The following GRK7 variants were observed in gnomAD, a reference collection of about 807,000 sequenced individuals.
GRK7 encodes G protein-coupled receptor kinase 7, also known as rhodopsin kinase GRK7.
GRK7 carries 24 observed loss-of-function variants against 34.1 expected under a neutral mutation model. The ratio of observed to expected loss-of-function variants is 0.70; its 90% CI spans 0.51 to 0.99. The LOEUF is 0.99. Among genes scored for constraint, GRK7 ranks in the 50% least tolerant of loss-of-function variants. The pLI is 0.00. For synonymous variants in GRK7, 256 were observed against 279.4 expected, an observed-to-expected ratio of 0.92 and a Z score of 0.84; for missense variants, 644 against 707.3, an observed-to-expected ratio of 0.91 and a Z score of 1.02.
chr3:141,801,310 CAAAAAAA>C (rs55657739), intron 4 of GRK7, among the ~76,000 whole-genome samples: 9 of 70,008 alleles, frequency 1.3e-4, no homozygotes, highest in South Asian at 5.8e-4. Context: ...GACTCCGTCT[CAAAAAAA>C]AAAAAAAAAA....
At chr3:141,753,997 A>G in the GRK7 span, among the ~76,000 whole-genome samples, 1 of 152,216 alleles carries the variant, frequency 6.6e-6, no homozygotes, top group African/African-American at 2.4e-5. Flanking sequence ...TGAAAAATCA[A>G]TTATGTCTTT....
intron 5 of GRK7, among the ~76,000 whole-genome samples, chr3:141,809,420 C>G (rs1001328448): frequency 6.6e-6 from 1 of 152,022 alleles, no homozygotes; most frequent in African/African-American, 2.4e-5. Flanking sequence ...TTTAGAAGGC[C>G]GGGCGCAGTG....
chr3:141,758,754 C>A (rs1364664642), upstream of GRK7, among the ~76,000 whole-genome samples: 1 of 144,818 alleles, frequency 6.9e-6, no homozygotes, highest in East Asian at 2.1e-4. Context: ...GCAGTATGGC[C>A]ATTTTCACGA....
At chr3:141,777,936 T>A (rs986218918) in intron 2 of GRK7, among the ~76,000 whole-genome samples, 1 of 152,168 alleles carries the variant, frequency 6.6e-6, no homozygotes, top group African/African-American at 2.4e-5. Context: ...AACGGTATGA[T>A]CACTTCCTTG....
At chr3:141,770,009 G>C (rs956519988) in intron 1 of GRK7, among the ~76,000 whole-genome samples, 3 of 152,144 alleles carry the variant, frequency 2.0e-5, no homozygotes, top group African/African-American at 7.2e-5. Context: ...CTGCCTCCTG[G>C]GTTCAAGCCA....
chr3:141,806,276 G>A (rs1190153804), intron 4 of GRK7, among the ~76,000 whole-genome samples: 4 of 152,000 alleles, frequency 2.6e-5, no homozygotes, highest in South Asian at 2.1e-4. Flanking sequence ...TGAAAAGTCC[G>A]AGTCGGCCAG....
chr3:141,799,392 C>T (rs920788390), intron 4 of GRK7, among the ~76,000 whole-genome samples: 3 of 152,108 alleles, frequency 2.0e-5, no homozygotes, highest in Non-Finnish European at 4.4e-5. Flanking sequence ...GCGGATGGAT[C>T]ACAGGAGGTC....
At chr3:141,804,582 CAT>C (rs1050018961) in intron 4 of GRK7, among the ~76,000 whole-genome samples, 12 of 150,224 alleles carry the variant, frequency 8.0e-5, no homozygotes, top group African/African-American at 3.0e-4. Context: ...CACATACACA[CAT>C]ACACATACAG....
At chr3:141,767,891 G>GT (rs1417173868) in intron 1 of GRK7, among the ~76,000 whole-genome samples, 4 of 152,134 alleles carry the variant, frequency 2.6e-5, no homozygotes, top group Non-Finnish European at 5.9e-5. Flanking sequence ...CAGCATTTAA[G>GT]TTTTTTCTGG....
chr3:141,751,724 T>G, the GRK7 span, among the ~76,000 whole-genome samples: 6 of 152,358 alleles, frequency 3.9e-5, no homozygotes, highest in African/African-American at 1.4e-4. Context: ...CATGTAGCTA[T>G]GTAAAATTTA....
At chr3:141,809,710 AC>A (rs903471712) in intron 5 of GRK7, among the ~76,000 whole-genome samples, 3 of 152,122 alleles carry the variant, frequency 2.0e-5, no homozygotes, top group African/African-American at 7.2e-5. Flanking sequence ...AAAAAAAGAT[AC>A]TATAGAAGAA....
chr3:141,799,528 C>T (rs527291658), intron 4 of GRK7, among the ~76,000 whole-genome samples: 4 of 152,096 alleles, frequency 2.6e-5, no homozygotes, highest in African/African-American at 9.6e-5. Flanking sequence ...AGGAGAATCA[C>T]TTGAACCTGG....
chr3:141,789,538 C>G (rs2084713023), intron 4 of GRK7, among the ~76,000 whole-genome samples: 1 of 152,138 alleles, frequency 6.6e-6, no homozygotes, highest in Non-Finnish European at 1.5e-5. Context: ...AGATCACTGC[C>G]TGTCCCAGGA....
intron 4 of GRK7, among the ~76,000 whole-genome samples, chr3:141,806,098 C>T (rs1431535120): frequency 6.6e-6 from 1 of 152,158 alleles, no homozygotes; most frequent in African/African-American, 2.4e-5. Flanking sequence ...GTTTCCAGCT[C>T]GTGACCATTC....
chr3:141,750,107 C>G, the GRK7 span, among the ~76,000 whole-genome samples: 1 of 151,788 alleles, frequency 6.6e-6, no homozygotes, highest in Non-Finnish European at 1.5e-5. Flanking sequence ...TAACCTTTTT[C>G]TATTAGGCTG....
chr3:141,760,050 T>C (rs2084548370), upstream of GRK7, among the ~76,000 whole-genome samples: 1 of 142,642 alleles, frequency 7.0e-6, no homozygotes, highest in African/African-American at 2.6e-5. Flanking sequence ...TCTCTCTTTT[T>C]TTCTTTATTA....
At chr3:141,770,646 A>G (rs963601463) in intron 1 of GRK7, among the ~76,000 whole-genome samples, 1 of 152,218 alleles carries the variant, frequency 6.6e-6, no homozygotes, top group African/African-American at 2.4e-5. Context: ...GCCAACAAGC[A>G]TATAAAAAAT....
chr3:141,765,157 C>T lies in GRK7; in HGVS notation c.-796C>T, dbSNP rs1291765147. Among the ~76,000 whole-genome samples, 1 of 152,186 alleles carries T rather than the reference C, an allele frequency of 6.6e-6. No individual in the cohort carries two copies. Among genetic ancestry groups the T allele is most frequent in the African/African-American group, 2.4e-5 (1 of 41,458 alleles). On this transcript the variant is annotated 5_prime_UTR_variant, in exon 1 of 6. Coordinates refer to ENST00000682958, the MANE Select transcript of GRK7 (RefSeq NM_139209.3). ...GTCTGCTCTGTTTCCTCTCTGAGGA[C>T]ATTTCCTGCTGCGGGCCCCTCACTC...
intron 4 of GRK7, among the ~76,000 whole-genome samples, chr3:141,786,636 G>A (rs2084697608): frequency 6.6e-6 from 1 of 152,026 alleles, no homozygotes; most frequent in East Asian, 1.9e-4. Flanking sequence ...AAATTAGCTG[G>A]GCATGATGGC....
Sources: gnomAD v4.1 joint callset for allele counts (sites outside exome capture counted in the v4.1 genomes callset) on GRCh38, gnomAD v4.1.1 for gene constraint, MANE v1.5 for transcripts, NCBI Gene and HGNC (gene_info 2026-07-23, HGNC 2026-07-21) for gene names.